LPGAT1: variants seen among roughly 807,000 people sequenced by gnomAD.
LPGAT1 encodes the protein acyl-CoA:lysophosphatidylglycerol acyltransferase 1.
Under a neutral mutation model 47.5 loss-of-function variants are expected in LPGAT1, and 11 were observed. That is an observed-to-expected ratio of 0.23 (90% CI 0.15 to 0.38). The LOEUF is 0.38. Among genes scored for constraint, LPGAT1 ranks in the 10% least tolerant of loss-of-function variants. LPGAT1 has a pLI of 1.00. For missense variants in LPGAT1, 293 were observed against 439.0 expected (o/e 0.67, Z 2.97); for synonymous variants, 138 against 144.2 (o/e 0.96, Z 0.31).
chr1:211,785,509 G>A (rs1658838587), intron 4 of LPGAT1, among the ~76,000 whole-genome samples: 2 of 151,630 alleles, frequency 1.3e-5, no homozygotes, highest in South Asian at 4.2e-4. Context: ...TAATCTTTAT[G>A]TATGCAAAAC....
chr1:211,813,670 G>A (rs903859730), intron 2 of LPGAT1, among the ~76,000 whole-genome samples: 6 of 152,180 alleles, frequency 3.9e-5, no homozygotes, highest in Admixed American at 3.9e-4. Flanking sequence ...TTTCTCAGGA[G>A]AGAACATTTT....
chr1:211,752,136 T>C (rs1358242096), intron 6 of LPGAT1, among the ~76,000 whole-genome samples: 1 of 152,210 alleles, frequency 6.6e-6, no homozygotes, highest in Non-Finnish European at 1.5e-5. Flanking sequence ...CGTGGCTACT[T>C]TTCCTTTCTT....
intron 2 of LPGAT1, among the ~76,000 whole-genome samples, chr1:211,793,734 T>C (rs1024818104): frequency 2.0e-5 from 3 of 152,128 alleles, no homozygotes; most frequent in African/African-American, 7.2e-5. Flanking sequence ...TGCCCAGCTA[T>C]GGTCATACCT....
intron 6 of LPGAT1, among the ~76,000 whole-genome samples, chr1:211,778,325 G>A (rs1291943790): frequency 7.5e-6 from 1 of 133,312 alleles, no homozygotes; most frequent in Non-Finnish European, 1.5e-5. Context: ...CTGGGCCACA[G>A]ACTGAGACTC....
chr1:211,785,161 A>G (rs1658827036), intron 4 of LPGAT1, among the ~76,000 whole-genome samples: 1 of 152,112 alleles, frequency 6.6e-6, no homozygotes, highest in African/African-American at 2.4e-5. Flanking sequence ...AAATTACAGA[A>G]ACTCCTCAAA....
In LPGAT1 at chr1:211,830,409, C is replaced by G; in HGVS notation, c.-28+164G>C. On this transcript the variant is annotated intron_variant, in intron 1 of 7. Coordinates refer to ENST00000366997, the MANE Select transcript of LPGAT1 (RefSeq NM_014873.3). The surrounding 1 kb of genome is among the most constrained non-coding windows in gnomAD (Gnocchi z 5.9). ...GTCCCGGGGAGGCGGGCGGATGCCC[C>G]GCGCCCCCGCCTCCTCCCCGGGGCC... 1 of 1,175,238 alleles carries G rather than the reference C, an allele frequency of 8.5e-7. No individual in the cohort carries two copies. 72.8% of individuals were successfully genotyped at this position (1,175,238 alleles called of 1,614,324 possible).
At position 211,748,296 on chromosome 1, in the gene LPGAT1, G is replaced by A. The variant is rs1446889266; in HGVS notation, c.*1603C>T. 1.3e-5 allele frequency: 2 copies of A among 152,546 alleles called. No individual in the cohort carries two copies. The highest frequency in any genetic ancestry group is 2.9e-5 in the Non-Finnish European group (2 of 68,042). The allele number at this position is 152,546 out of a possible 1,614,324, so 9.4% of individuals were successfully genotyped here. On this transcript the variant is annotated 3_prime_UTR_variant, in exon 8 of 8. Transcript: ENST00000366997. Reference sequence around the variant, plus strand: ...ATGCAGTACCAGCACTTTTGGAGAAGGGTGTGGTTCTCTTATGAGGTAAAT... The same window carrying A: ...ATGCAGTACCAGCACTTTTGGAGAAAGGTGTGGTTCTCTTATGAGGTAAAT...
Position 211,747,984 on chromosome 1 carries a change from T to A in LPGAT1, c.*1915A>T, listed in dbSNP as rs1657011222. The A allele has an allele frequency of 6.5e-6, 1 of 152,676 alleles. No homozygotes were observed. The highest frequency in any genetic ancestry group is 1.5e-5 in the Non-Finnish European group (1 of 68,040). The allele number at this position is 152,676 out of a possible 1,614,324, so 9.5% of individuals were successfully genotyped here. A position where few individuals can be genotyped will look rare whatever the true frequency, so the allele number is the denominator to read the frequency against. On this transcript the variant is annotated 3_prime_UTR_variant, in exon 8 of 8. Coordinates refer to ENST00000366997, the MANE Select transcript of LPGAT1 (RefSeq NM_014873.3). ...AGTTAATGCATCATTCTCTTTCACA[T>A]ATGCACTGAGTTATCGTAAAGATGA...
At chr1:211,814,263 C>T (rs1571761076) in intron 2 of LPGAT1, among the ~76,000 whole-genome samples, 1 of 152,144 alleles carries the variant, frequency 6.6e-6, no homozygotes, top group Admixed American at 6.5e-5. Flanking sequence ...TAGTTAGGAA[C>T]CACAACTACA....
intron 2 of LPGAT1, among the ~76,000 whole-genome samples, chr1:211,825,188 CTTTTTTTTTTTTT>C (rs953536979): frequency 7.1e-5 from 5 of 70,860 alleles, no homozygotes; most frequent in African/African-American, 2.9e-4. Flanking sequence ...GCACAGTCTT[CTTTTTTTTTTTTT>C]TTTTTTTTTT....
At chr1:211,766,838 A>G (rs1040565108) in intron 6 of LPGAT1, among the ~76,000 whole-genome samples, 4 of 152,250 alleles carry the variant, frequency 2.6e-5, no homozygotes, top group African/African-American at 9.6e-5. Flanking sequence ...TCAAAAAATC[A>G]TGAAGTTAAC....
At chr1:211,790,650 T>A (rs1388554262) in intron 3 of LPGAT1, among the ~76,000 whole-genome samples, 1 of 152,148 alleles carries the variant, frequency 6.6e-6, no homozygotes, top group Admixed American at 6.5e-5. Context: ...TTAACTAATC[T>A]CAAAATAAAA....
At chr1:211,755,025 G>A (rs1657379349) in intron 6 of LPGAT1, among the ~76,000 whole-genome samples, 2 of 124,792 alleles carry the variant, frequency 1.6e-5, no homozygotes, top group African/African-American at 6.5e-5. Context: ...AAGCGACAGA[G>A]CAAGACTCCG....
At chr1:211,784,867 G>A (rs574880808) in intron 4 of LPGAT1, among the ~76,000 whole-genome samples, 58 of 149,624 alleles carry the variant, frequency 3.9e-4, no homozygotes, top group African/African-American at 1.3e-3. Context: ...GCAGTGGTGC[G>A]ATCTCGGGTC....
chr1:211,828,956 T>C, intron 2 of LPGAT1, 103 bp downstream of exon 2: 1 of 1,122,474 alleles, frequency 8.9e-7, no homozygotes, highest in East Asian at 2.4e-5. Context: ...TTTTCAATAG[T>C]GAAGACATGA....
intron 6 of LPGAT1, among the ~76,000 whole-genome samples, chr1:211,768,246 A>G (rs1171646583): frequency 6.6e-6 from 1 of 152,218 alleles, no homozygotes; most frequent in Non-Finnish European, 1.5e-5. Context: ...AAATTTTTAT[A>G]CCTACCAGAT....
chr1:211,800,843 T>C (rs1026797346), intron 2 of LPGAT1, among the ~76,000 whole-genome samples: 2 of 152,210 alleles, frequency 1.3e-5, no homozygotes, highest in African/African-American at 2.4e-5. Context: ...CACACGTTTA[T>C]AGCAAACAAA....
intron 6 of LPGAT1, among the ~76,000 whole-genome samples, chr1:211,754,405 T>C (rs981301998): frequency 2.6e-5 from 4 of 152,234 alleles, no homozygotes; most frequent in African/African-American, 9.6e-5. Context: ...TCGTTCTTTT[T>C]TCCAACTTCC....
intron 6 of LPGAT1, among the ~76,000 whole-genome samples, chr1:211,777,705 A>G (rs1658462506): frequency 6.6e-6 from 1 of 152,258 alleles, no homozygotes; most frequent in African/African-American, 2.4e-5. Flanking sequence ...ATGTGGATTA[A>G]TGATTTAAAA....
Sources: gnomAD v4.1 joint callset for allele counts (sites outside exome capture counted in the v4.1 genomes callset) on GRCh38, gnomAD v4.1.1 for gene constraint, Gnocchi (gnomAD v3.1) non-coding constraint, MANE v1.5 for transcripts, NCBI Gene and HGNC (gene_info 2026-07-23, HGNC 2026-07-21) for gene names.